IGSF11: variants seen among roughly 807,000 people sequenced by gnomAD.
IGSF11 encodes immunoglobulin superfamily member 11.
A neutral mutation model predicts 41.0 loss-of-function variants in IGSF11; 22 were observed. The ratio of observed to expected loss-of-function variants is 0.54; its 90% confidence interval spans 0.38 to 0.77. The LOEUF is 0.77. Among genes scored for constraint, IGSF11 ranks in the 30% least tolerant of loss-of-function variants. The probability of loss-of-function intolerance (pLI) is 0.00; values close to 1 mark genes in which losing one functional copy is unlikely to be tolerated. For synonymous variants in IGSF11, 219 were observed against 201.3 expected (o/e 1.09, Z -0.74); for missense variants, 444 against 530.8 (o/e 0.84, Z 1.61).
chr3:118,906,294 G>C (rs1199868786), intron 4 of IGSF11, among the ~76,000 whole-genome samples: 2 of 152,134 alleles, frequency 1.3e-5, no homozygotes, highest in African/African-American at 4.8e-5. Context: ...GCAGAAGGCA[G>C]GGAGAGCCTC....
intron 1 of IGSF11, among the ~76,000 whole-genome samples, chr3:119,063,913 AT>A (rs992475866): frequency 2.0e-5 from 3 of 152,246 alleles, no homozygotes; most frequent in Non-Finnish European, 4.4e-5. Flanking sequence ...GCACTGCTGC[AT>A]TTTAGCAAAT....
rs1938779303 is a variant in IGSF11 at position 118,900,982 on chromosome 3, G to A, written c.*1538C>T. ...AAAAAATGTCAGGAAGCCACTCCCT[G>A]TGAAGACTACGCTTGCAGGAGAAGA... is the stretch of plus-strand genomic sequence containing the variant. On this transcript the variant is annotated 3_prime_UTR_variant, in exon 7 of 7. Transcript: ENST00000393775. 6.6e-6 allele frequency: 1 copy of A among 152,598 alleles called. No homozygotes were observed. The highest frequency in any genetic ancestry group is 1.5e-5 in the Non-Finnish European group (1 of 68,038). 9.5% of individuals were successfully genotyped at this position (152,598 alleles called of 1,614,324 possible).
rs145396233 is a variant in IGSF11 at position 119,022,116 on chromosome 3, G to A, written c.52+12415C>T. On this transcript the variant is annotated intron_variant, in intron 1 of 6. Transcript: ENST00000393775. Reference sequence around the variant, plus strand: ...CAGCAATAAAAAGAAATGAAGTTCTGGTATATGCTACAACATGAATGAACC... The same window carrying A: ...CAGCAATAAAAAGAAATGAAGTTCTAGTATATGCTACAACATGAATGAACC... Among the ~76,000 whole-genome samples, 216 of 152,162 alleles carry A rather than the reference G, an allele frequency of 1.4e-3. 1 individual carries two copies. The highest frequency in any genetic ancestry group is 4.7e-3 in the African/African-American group (195 of 41,526).
intron 1 of IGSF11, among the ~76,000 whole-genome samples, chr3:119,049,728 A>C (rs1209813846): frequency 6.6e-6 from 1 of 152,152 alleles, no homozygotes; most frequent in Non-Finnish European, 1.5e-5. Flanking sequence ...TGGAGGCATC[A>C]CACTACCTGA....
intron 1 of IGSF11, among the ~76,000 whole-genome samples, chr3:119,049,841 G>A (rs1158649129): frequency 2.0e-5 from 3 of 147,980 alleles, no homozygotes; most frequent in Non-Finnish European, 3.0e-5. Context: ...CAGAAATAAC[G>A]CCGCATATCT....
chr3:119,106,417 C>T (rs539594502), upstream of IGSF11, among the ~76,000 whole-genome samples: 1 of 152,228 alleles, frequency 6.6e-6, no homozygotes, highest in African/African-American at 2.4e-5. Flanking sequence ...TCCACAAGTT[C>T]AATTGTTTTC....
At chr3:118,907,375 C>A (rs1939736897) in intron 4 of IGSF11, among the ~76,000 whole-genome samples, 3 of 152,000 alleles carry the variant, frequency 2.0e-5, no homozygotes, top group Admixed American at 1.3e-4. Flanking sequence ...CAAGACAGGC[C>A]CAGTCCCTTA....
At chr3:118,998,089 A>G (rs2107664169) in intron 1 of IGSF11, among the ~76,000 whole-genome samples, 1 of 152,254 alleles carries the variant, frequency 6.6e-6, no homozygotes, top group South Asian at 2.1e-4. Context: ...ATATAAAATA[A>G]TAATATATTT....
intron 4 of IGSF11, among the ~76,000 whole-genome samples, chr3:118,913,762 T>C (rs1940657843): frequency 1.3e-5 from 2 of 152,134 alleles, no homozygotes; most frequent in Admixed American, 1.3e-4. Flanking sequence ...AATAAAACCG[T>C]AATGTATACG....
intron 1 of IGSF11, among the ~76,000 whole-genome samples, chr3:119,029,896 A>G (rs1030045214): frequency 2.6e-5 from 4 of 152,228 alleles, no homozygotes; most frequent in Non-Finnish European, 5.9e-5. Flanking sequence ...TGTTACCCTC[A>G]GTGAAAAAAT....
intron 1 of IGSF11, among the ~76,000 whole-genome samples, chr3:118,971,295 A>C (rs1170799970): frequency 6.6e-6 from 1 of 152,244 alleles, no homozygotes; most frequent in Non-Finnish European, 1.5e-5. Context: ...ATCTAGTAAC[A>C]GAAAATAAAT....
At chr3:119,029,870 T>A (rs1271372740) in intron 1 of IGSF11, among the ~76,000 whole-genome samples, 1 of 152,248 alleles carries the variant, frequency 6.6e-6, no homozygotes, top group Non-Finnish European at 1.5e-5. Flanking sequence ...AAAGTCATAT[T>A]GTATTATTAC....
intron 4 of IGSF11, among the ~76,000 whole-genome samples, chr3:118,910,032 A>G (rs985570111): frequency 6.6e-6 from 1 of 152,206 alleles, no homozygotes. Flanking sequence ...CACACTTATC[A>G]CATGGCAAAA....
At chr3:118,945,021 G>C (rs544320398) in intron 1 of IGSF11, 1 of 152,138 alleles carries the variant, frequency 6.6e-6, no homozygotes, top group Admixed American at 6.5e-5. Context: ...TGTAGCCTGG[G>C]GCACATTATT....
At chr3:119,007,451 AC>A (rs1937579918) in intron 1 of IGSF11, among the ~76,000 whole-genome samples, 1 of 151,734 alleles carries the variant, frequency 6.6e-6, no homozygotes, top group African/African-American at 2.4e-5. Context: ...GGAGCTGTAG[AC>A]CGGAGCTGTT....
chr3:118,943,711 T>C (rs1943892903), intron 1 of IGSF11, among the ~76,000 whole-genome samples: 1 of 152,244 alleles, frequency 6.6e-6, no homozygotes, highest in Admixed American at 6.5e-5. Flanking sequence ...GATGCTATAG[T>C]TGCATGTCCT....
intron 1 of IGSF11, among the ~76,000 whole-genome samples, 168 bp from the exon 2 acceptor site, chr3:118,930,443 A>C (rs545907040): frequency 6.6e-6 from 1 of 152,238 alleles, no homozygotes; most frequent in Non-Finnish European, 1.5e-5. Context: ...AAATAATAAA[A>C]ATGGTTCATC....
At chr3:118,976,000 A>G (rs1408007945) in intron 1 of IGSF11, among the ~76,000 whole-genome samples, 1 of 152,104 alleles carries the variant, frequency 6.6e-6, no homozygotes, top group East Asian at 1.9e-4. Context: ...TTGCACAGGT[A>G]CCCTCTGAAT....
rs528920976 is a variant in IGSF11, at chr3:119,140,566, C to A, written c.-14+5247G>T. 6.6e-5 allele frequency among the ~76,000 whole-genome samples: 10 copies of A among 152,150 alleles called. No individual in the cohort carries two copies. The South Asian group carries it at 1.9e-3, about 28-fold the overall frequency. ...ACTTTCAATAATAGAATCAACTAAGCAGAAGATCAACCAAGAAAGAGAAGA... is the reference window on the plus strand; with the variant it reads ...ACTTTCAATAATAGAATCAACTAAGAAGAAGATCAACCAAGAAAGAGAAGA... On this transcript the variant is annotated intron_variant, in intron 1 of 7. Transcript: ENST00000425327.
Sources: allele counts gnomAD v4.1 joint callset (sites outside exome capture counted in the v4.1 genomes callset), GRCh38; gene constraint gnomAD v4.1.1; transcripts MANE v1.5; gene names NCBI Gene and HGNC (gene_info 2026-07-23, HGNC 2026-07-21).